Variants in SKI observed in about 807,000 individuals in gnomAD.
SKI encodes ski oncogene.
Under a neutral mutation model 59.3 loss-of-function variants are expected in SKI, and 23 were observed. That is an observed-to-expected ratio of 0.39 (90% CI 0.28 to 0.55). SKI has a LOEUF of 0.55. Among genes scored for constraint, SKI ranks in the 20% least tolerant of loss-of-function variants. The probability of loss-of-function intolerance (pLI) is 0.67; values close to 1 mark genes in which losing one functional copy is unlikely to be tolerated. For missense variants in SKI, 1,017 were observed against 1,038.9 expected (o/e 0.98, Z 0.29); for synonymous variants, 673 against 488.6 (o/e 1.38, Z -4.98).
At chr1:2,238,001 G>A (rs901181699) in intron 1 of SKI, among the ~76,000 whole-genome samples, 9 of 152,282 alleles carry the variant, frequency 5.9e-5, no homozygotes, top group African/African-American at 9.6e-5. Flanking sequence ...GTGCCCTCCC[G>A]CCTGGTGCTG....
chr1:2,308,624 C>G lies in SKI; in HGVS notation c.*1859C>G, dbSNP rs1232019914. Reference sequence around the variant, plus strand: ...GAGTTGTTTTTTTTTTCAGTTATTTCTTCAAGGGAAACTAAATGATTTAGT... The same window carrying G: ...GAGTTGTTTTTTTTTTCAGTTATTTGTTCAAGGGAAACTAAATGATTTAGT... On this transcript the variant is annotated 3_prime_UTR_variant, in exon 7 of 7. Transcript: ENST00000378536. 6.9e-6 allele frequency: 1 copy of G among 145,192 alleles called. No homozygotes were observed. Among genetic ancestry groups the G allele is most frequent in the African/African-American group, 2.5e-5 (1 of 39,978 alleles). 9.0% of individuals were successfully genotyped at this position (145,192 alleles called of 1,614,324 possible).
Position 2,290,779 on chromosome 1 carries a change from C to T in SKI, c.970-12199C>T, listed in dbSNP as rs114808280. 9.6e-3 allele frequency among the ~76,000 whole-genome samples: 1,457 copies of T among 152,280 alleles called. 24 individuals carry two copies. The highest frequency in any genetic ancestry group is 0.033 in the African/African-American group (1,380 of 41,542). On this transcript the variant is annotated intron_variant, in intron 1 of 6. Transcript: ENST00000378536. ...GGCTTGCGGAGCCGTCCTGTAAAGC[C>T]GGGGATGGCAGGACGCATTGTCACC...
At chr1:2,243,038 C>A (rs1312453233) in intron 1 of SKI, among the ~76,000 whole-genome samples, 4 of 152,256 alleles carry the variant, frequency 2.6e-5, no homozygotes, top group Non-Finnish European at 5.9e-5. Flanking sequence ...TGGTTTGTCA[C>A]AAGGGCGTGT....
chr1:2,276,655 C>G (rs1281812255), intron 1 of SKI, among the ~76,000 whole-genome samples: 1 of 152,230 alleles, frequency 6.6e-6, no homozygotes, highest in Non-Finnish European at 1.5e-5. Flanking sequence ...GGGCTGGGGA[C>G]AGCGCTAGGC....
rs1455780791 is a variant in SKI at position 2,308,046 on chromosome 1, A to ACT, written c.*1285_*1286dup. 6.6e-6 allele frequency: 1 copy of ACT among 152,276 alleles called. No individual in the cohort carries two copies. The highest frequency in any genetic ancestry group is 1.5e-5 in the Non-Finnish European group (1 of 68,030). 9.4% of individuals were successfully genotyped at this position (152,276 alleles called of 1,614,324 possible). ...GCATTTATTCCAAATAATCTCGTTT[A>ACT]CTCTCACCTGTTTATGCAAATTGTA... On this transcript the variant is annotated 3_prime_UTR_variant, in exon 7 of 7. Transcript: ENST00000378536.
chr1:2,291,070 G>A (rs1640152784), intron 1 of SKI, among the ~76,000 whole-genome samples: 1 of 152,212 alleles, frequency 6.6e-6, no homozygotes, highest in African/African-American at 2.4e-5. Flanking sequence ...AGCAGACCCC[G>A]TTCACCCTCA....
At chr1:2,251,047 G>T (rs1371638147) in intron 1 of SKI, among the ~76,000 whole-genome samples, 1 of 152,232 alleles carries the variant, frequency 6.6e-6, no homozygotes, top group Non-Finnish European at 1.5e-5. Context: ...ATCCGGGTGG[G>T]CCAGGATCCC....
chr1:2,287,213 G>C (rs1017306740), intron 1 of SKI, among the ~76,000 whole-genome samples: 3 of 152,180 alleles, frequency 2.0e-5, no homozygotes, highest in African/African-American at 7.2e-5. Context: ...AGGGCGCCTG[G>C]AGACTGCCAT....
At chr1:2,293,331 C>T (rs879433382) in intron 1 of SKI, among the ~76,000 whole-genome samples, 1 of 152,046 alleles carries the variant, frequency 6.6e-6, no homozygotes, top group Non-Finnish European at 1.5e-5. Flanking sequence ...GGAGCAGTCA[C>T]GGGCCCTGAG....
chr1:2,282,484 T>G lies in SKI; in HGVS notation c.970-20494T>G, dbSNP rs182822534. 2.5e-4 allele frequency among the ~76,000 whole-genome samples: 18 copies of G among 70,818 alleles called. 1 individual carries two copies. The highest frequency in any genetic ancestry group is 5.1e-4 in the Admixed American group (4 of 7,894). The allele number at this position is 70,818 out of a possible 152,430, so 46.5% of individuals were successfully genotyped here. On this transcript the variant is annotated intron_variant, in intron 1 of 6. Coordinates refer to ENST00000378536, the MANE Select transcript of SKI (RefSeq NM_003036.4). ...GGACGCCTGAGAAGACAGGCGGTGG[T>G]GGAGATCTTCAGAGAGAGGACGCCT... is the stretch of plus-strand genomic sequence containing the variant.
chr1:2,228,515 C>T lies in SKI; in HGVS notation c.-252C>T, dbSNP rs1429608286. Among the ~76,000 whole-genome samples, 7 of 141,482 alleles carry T rather than the reference C, an allele frequency of 4.9e-5. No homozygotes were observed. The highest frequency in any genetic ancestry group is 2.2e-4 in the South Asian group (1 of 4,626). The allele number at this position is 141,482 out of a possible 152,430, so 92.8% of individuals were successfully genotyped here. A position where few individuals can be genotyped will look rare whatever the true frequency, so the allele number is the denominator to read the frequency against. ...CGCGGGGGGCCCGGGCGGCGGCGGG[C>T]GCGGCGCGGGGCGCGTGGATGTGGC... On this transcript the variant is annotated 5_prime_UTR_variant, in exon 1 of 7. Transcript: ENST00000378536.
chr1:2,246,626 C>T (rs1188892021), intron 1 of SKI, among the ~76,000 whole-genome samples: 3 of 152,122 alleles, frequency 2.0e-5, no homozygotes, highest in Admixed American at 6.5e-5. Context: ...ACTCCCCACC[C>T]CTCCTTTGTG....
intron 1 of SKI, among the ~76,000 whole-genome samples, chr1:2,249,798 G>T (rs1437568459): frequency 6.6e-6 from 1 of 152,230 alleles, no homozygotes. Context: ...GACCCAGGTT[G>T]TTGAACTGGA....
chr1:2,256,776 T>C (rs1351424826), intron 1 of SKI, among the ~76,000 whole-genome samples: 1 of 152,260 alleles, frequency 6.6e-6, no homozygotes, highest in African/African-American at 2.4e-5. Flanking sequence ...GACTGTGCCC[T>C]TCAGGAGCTT....
chr1:2,228,684 G>T lies in SKI; in HGVS notation c.-83G>T. ...GGCCGGGGTCGGGGCCGCGGGCGCC[G>T]CCGGGGCGCGCGGGGCGGCGGCGGG... On this transcript the variant is annotated 5_prime_UTR_variant, in exon 1 of 7. Coordinates refer to ENST00000378536, the MANE Select transcript of SKI (RefSeq NM_003036.4). 3.4e-6 allele frequency: 3 copies of T among 885,848 alleles called. No individual in the cohort carries two copies. Among genetic ancestry groups the T allele is most frequent in the Non-Finnish European group, 4.0e-6 (3 of 743,328 alleles). The allele number at this position is 885,848 out of a possible 1,614,324, so 54.9% of individuals were successfully genotyped here.
chr1:2,297,627 C>A (rs1424395442), intron 1 of SKI, among the ~76,000 whole-genome samples: 1 of 152,220 alleles, frequency 6.6e-6, no homozygotes, highest in Non-Finnish European at 1.5e-5. Flanking sequence ...TGGCAGCCAT[C>A]CCCTCCATAA....
In SKI at chr1:2,229,043, C is replaced by G; in HGVS notation, c.277C>G (p.Pro93Ala). 1 of 1,603,168 alleles carries G rather than the reference C, an allele frequency of 6.2e-7. No homozygotes were observed. Among genetic ancestry groups the G allele is most frequent in the Non-Finnish European group, 8.5e-7 (1 of 1,179,198 alleles). The change falls in exon 1 of 7, where the codon CCG (proline) becomes GCG (alanine). Residue 93 changes from proline (P) to alanine (A), a missense_variant. By Grantham distance (27) the Pro-to-Ala change is conservative. Coordinates refer to ENST00000378536, the MANE Select transcript of SKI (RefSeq NM_003036.4). This position sits in a 1 kb window ranked among gnomAD's most constrained non-coding sequence, Gnocchi z 6.3. Reference protein sequence around the residue: ...PPVLPGPFFMPSDRSTERCET... With the variant: ...PPVLPGPFFMASDRSTERCET... ...CGTGCTGCCCGGGCCCTTCTTCATG[C>G]CGTCCGACCGCTCCACCGAGCGCTG...
At chr1:2,283,452 G>T (rs1639960104) in intron 1 of SKI, among the ~76,000 whole-genome samples, 2 of 152,222 alleles carry the variant, frequency 1.3e-5, no homozygotes, top group African/African-American at 4.8e-5. Flanking sequence ...GAGAGGTGTT[G>T]GCTTTCTAGG....
intron 1 of SKI, among the ~76,000 whole-genome samples, chr1:2,242,834 T>A (rs1310007463): frequency 6.6e-6 from 1 of 152,228 alleles, no homozygotes; most frequent in Non-Finnish European, 1.5e-5. Context: ...AATTGGATTT[T>A]TCCATATGTG....
Sources: allele counts gnomAD v4.1 joint callset (sites outside exome capture counted in the v4.1 genomes callset), GRCh38; gene constraint gnomAD v4.1.1; non-coding constraint Gnocchi (gnomAD v3.1); transcripts MANE v1.5; gene names NCBI Gene and HGNC (gene_info 2026-07-23, HGNC 2026-07-21).